Variants in SLC1A1 observed in about 807,000 individuals in gnomAD.
SLC1A1 encodes the protein solute carrier family 1 member 1.
SLC1A1 carries 43 observed loss-of-function variants against 53.3 expected under a neutral mutation model. The ratio of observed to expected loss-of-function variants is 0.81; its 90% CI spans 0.63 to 1.04. SLC1A1 has a LOEUF of 1.04. Ranked by LOEUF, SLC1A1 falls within the 50% of genes least tolerant of loss-of-function variation. The pLI is 0.00. For missense variants in SLC1A1, 748 were observed against 664.9 expected, an observed-to-expected ratio of 1.12 and a Z score of -1.37; for synonymous variants, 307 against 243.2, an observed-to-expected ratio of 1.26 and a Z score of -2.44.
intron 1 of SLC1A1, among the ~76,000 whole-genome samples, chr9:4,509,023 T>C (rs1005410656): frequency 6.6e-6 from 1 of 152,064 alleles, no homozygotes; most frequent in Non-Finnish European, 1.5e-5. Flanking sequence ...AGAGATTCTT[T>C]CCACCTGAGA....
At chr9:4,526,823 G>C (rs1816278801) in intron 1 of SLC1A1, among the ~76,000 whole-genome samples, 1 of 151,630 alleles carries the variant, frequency 6.6e-6, no homozygotes, top group African/African-American at 2.4e-5. Context: ...TTCTGAGACG[G>C]CACCCAAGAT....
intron 1 of SLC1A1, among the ~76,000 whole-genome samples, chr9:4,500,965 G>A (rs1820610778): frequency 6.6e-6 from 1 of 152,094 alleles, no homozygotes; most frequent in African/African-American, 2.4e-5. Context: ...GCCAAGACAG[G>A]GAGGGATACA....
chr9:4,504,156 A>G (rs1367817173), intron 1 of SLC1A1, among the ~76,000 whole-genome samples: 3 of 152,240 alleles, frequency 2.0e-5, no homozygotes, highest in East Asian at 3.8e-4. Flanking sequence ...TGATCTCCAG[A>G]TAATTCTCTG....
At chr9:4,562,659 T>G (rs1331469585) in intron 3 of SLC1A1, among the ~76,000 whole-genome samples, 5 of 152,198 alleles carry the variant, frequency 3.3e-5, no homozygotes, top group African/African-American at 1.2e-4. Flanking sequence ...TGAGTGAGAA[T>G]ATGTGGTGTT....
intron 1 of SLC1A1, among the ~76,000 whole-genome samples, chr9:4,528,701 T>C (rs939879510): frequency 6.6e-6 from 1 of 152,070 alleles, no homozygotes; most frequent in Admixed American, 6.5e-5. Context: ...ATACCAGAGG[T>C]TTGATAAATT....
At chr9:4,526,312 T>C (rs1347327353) in intron 1 of SLC1A1, among the ~76,000 whole-genome samples, 4 of 152,152 alleles carry the variant, frequency 2.6e-5, no homozygotes, top group African/African-American at 9.7e-5. Context: ...GAACAGCACT[T>C]TGAATGAACT....
At position 4,583,853 on chromosome 9, in the gene SLC1A1, T is replaced by TTCTCTCTC. The variant is rs373604899; in HGVS notation, c.1328+704_1328+711dup. On this transcript the variant is annotated intron_variant, in intron 11 of 11. Transcript: ENST00000262352. The surrounding 1 kb of genome is among the most constrained non-coding windows in gnomAD (Gnocchi z 4.6). Reference sequence around the variant, plus strand: ...CCATTCAGGCCCCAATCAACAACACTTCTCTCTCTCTCTCTCTCTCTCTCT... The same window carrying TTCTCTCTC: ...CCATTCAGGCCCCAATCAACAACACTTCTCTCTCTCTCTCTCTCTCTCTCTCTCTCTCT... 6.3e-3 allele frequency among the ~76,000 whole-genome samples: 860 copies of TTCTCTCTC among 136,914 alleles called. 11 individuals carry two copies. The highest frequency in any genetic ancestry group is 0.016 in the African/African-American group (589 of 36,230). The allele number at this position is 136,914 out of a possible 152,430, so 89.8% of individuals were successfully genotyped here.
Position 4,556,710 on chromosome 9 carries a change from T to TA in SLC1A1, c.233-4738dup, listed in dbSNP as rs2129637326. Reference sequence around the variant, plus strand: ...TTCTCACAGTCAACATTCATTGCGCTAGACCACAAGTTCTCACCAAGACAA... The same window carrying TA: ...TTCTCACAGTCAACATTCATTGCGCTAAGACCACAAGTTCTCACCAAGACAA... On this transcript the variant is annotated intron_variant, in intron 2 of 11. Transcript: ENST00000262352. This position sits in a 1 kb window ranked among gnomAD's most constrained non-coding sequence, Gnocchi z 4.1. Among the ~76,000 whole-genome samples the TA allele has an allele frequency of 6.6e-6, 1 of 152,346 alleles. No homozygotes were observed. Among genetic ancestry groups the TA allele is most frequent in the Admixed American group, 6.5e-5 (1 of 15,306 alleles).
intron 10 of SLC1A1, among the ~76,000 whole-genome samples, chr9:4,577,878 C>A (rs1159002652): frequency 6.6e-6 from 1 of 152,144 alleles, no homozygotes; most frequent in Non-Finnish European, 1.5e-5. Context: ...GAAGTCCAGG[C>A]AGGGTATTAG....
At chr9:4,507,712 G>A (rs1820851750) in intron 1 of SLC1A1, among the ~76,000 whole-genome samples, 2 of 152,182 alleles carry the variant, frequency 1.3e-5, no homozygotes, top group African/African-American at 4.8e-5. Flanking sequence ...CTTCGACTTA[G>A]CATTCTGAGT....
chr9:4,563,695 C>T (rs1269903781), intron 3 of SLC1A1, among the ~76,000 whole-genome samples: 1 of 152,200 alleles, frequency 6.6e-6, no homozygotes, highest in East Asian at 1.9e-4. Context: ...GACAGGAACC[C>T]ATTACTTCCC....
At chr9:4,563,732 T>C (rs1420426677) in intron 3 of SLC1A1, among the ~76,000 whole-genome samples, 1 of 152,220 alleles carries the variant, frequency 6.6e-6, no homozygotes, top group African/African-American at 2.4e-5. Context: ...TGTCAGATGC[T>C]CTGCCATGTA....
chr9:4,518,347 C>T (rs532003027), intron 1 of SLC1A1, among the ~76,000 whole-genome samples: 11 of 148,630 alleles, frequency 7.4e-5, no homozygotes, highest in African/African-American at 2.7e-4. Flanking sequence ...TCTTCTACTG[C>T]ATGGGGTTTT....
At chr9:4,585,249 T>C in intron 11 of SLC1A1, 63 bp from the exon 12 acceptor site, 4 of 1,600,896 alleles carry the variant, frequency 2.5e-6, no homozygotes, top group Non-Finnish European at 3.4e-6. Flanking sequence ...TCCTTGCATC[T>C]CTCCAGTGAT....
At chr9:4,514,254 C>T (rs1234304372) in intron 1 of SLC1A1, among the ~76,000 whole-genome samples, 1 of 152,170 alleles carries the variant, frequency 6.6e-6, no homozygotes, top group African/African-American at 2.4e-5. Context: ...CCAGCATTTG[C>T]AAGAGAGGGT....
chr9:4,542,700 T>C (rs1379443678), intron 1 of SLC1A1, among the ~76,000 whole-genome samples: 1 of 152,198 alleles, frequency 6.6e-6, no homozygotes, highest in Non-Finnish European at 1.5e-5. Context: ...ATAGGTATGT[T>C]CATATAGAAC....
chr9:4,554,137 A>C (rs188836486), intron 2 of SLC1A1: 2 of 152,376 alleles, frequency 1.3e-5, no homozygotes, highest in African/African-American at 4.8e-5. Flanking sequence ...GGTTGAAGAC[A>C]GATTAAGCCA....
At chr9:4,546,628 A>T (rs901214520) in intron 2 of SLC1A1, among the ~76,000 whole-genome samples, 16 of 152,222 alleles carry the variant, frequency 1.1e-4, no homozygotes, top group Non-Finnish European at 2.1e-4. Flanking sequence ...GATGGCAGTT[A>T]TAATCCCTTA....
At chr9:4,507,927 G>C (rs1392719163) in intron 1 of SLC1A1, among the ~76,000 whole-genome samples, 1 of 152,178 alleles carries the variant, frequency 6.6e-6, no homozygotes, top group Non-Finnish European at 1.5e-5. Context: ...TTACAGGCAT[G>C]TGAAACTGGC....
Sources: gnomAD v4.1 joint callset for allele counts (sites outside exome capture counted in the v4.1 genomes callset) on GRCh38, gnomAD v4.1.1 for gene constraint, Gnocchi (gnomAD v3.1) non-coding constraint, MANE v1.5 for transcripts, NCBI Gene and HGNC (gene_info 2026-07-23, HGNC 2026-07-21) for gene names.